The following RSPRY1 variants were observed in gnomAD, a reference collection of about 807,000 sequenced individuals.
RSPRY1 encodes the protein ring finger and SPRY domain containing 1, also known as RING finger and SPRY domain-containing protein 1.
In RSPRY1, 23 loss-of-function variants were observed where a neutral mutation model predicts 73.1. That is an observed-to-expected ratio of 0.31 (90% confidence interval 0.23 to 0.45). The LOEUF is 0.45. Ranked by LOEUF, RSPRY1 falls within the 20% of genes least tolerant of loss-of-function variation. The pLI, the probability that RSPRY1 is intolerant of heterozygous loss-of-function variation, is 1.00. For missense variants in RSPRY1, 448 were observed against 698.7 expected, an observed-to-expected ratio of 0.64 and a Z score of 4.05; for synonymous variants, 226 against 251.4, an observed-to-expected ratio of 0.90 and a Z score of 0.95.
At chr16:57,205,074 A>G in intron 2 of RSPRY1, 66 bp downstream of exon 2, 1 of 1,248,340 alleles carries the variant, frequency 8.0e-7, no homozygotes, top group East Asian at 2.5e-5. Flanking sequence ...CCATGACTTT[A>G]GGACTCCTTC....
intron 1 of RSPRY1, among the ~76,000 whole-genome samples, chr16:57,197,012 T>C (rs1258371429): frequency 6.6e-6 from 1 of 152,248 alleles, no homozygotes; most frequent in Non-Finnish European, 1.5e-5. Flanking sequence ...GACTTTCACC[T>C]AGTCTGACAA....
rs1490487021 is a variant in RSPRY1, at chr16:57,238,979, A to C, written c.*4A>C. 1 of 1,514,884 alleles carries C rather than the reference A, an allele frequency of 6.6e-7. No homozygotes were observed. The highest frequency in any genetic ancestry group is 1.2e-5 in the South Asian group (1 of 85,068). The allele number at this position is 1,514,884 out of a possible 1,614,324, so 93.8% of individuals were successfully genotyped here. ...ACAGATTTCTCATATTTCATGACAC[A>C]TGTGAAGAGGCATCGTGGACTTTTT... On this transcript the variant is annotated 3_prime_UTR_variant, in exon 15 of 15. Coordinates refer to ENST00000394420, the MANE Select transcript of RSPRY1 (RefSeq NM_133368.3).
intron 1 of RSPRY1, among the ~76,000 whole-genome samples, 197 bp from the exon 2 acceptor site, chr16:57,204,307 G>A (rs1310222186): frequency 6.6e-6 from 1 of 152,130 alleles, no homozygotes; most frequent in African/African-American, 2.4e-5. Context: ...CTTTGTAACA[G>A]AATGATAAAA....
intron 8 of RSPRY1, among the ~76,000 whole-genome samples, chr16:57,218,076 T>A (rs912624605): frequency 8.5e-5 from 13 of 152,252 alleles, no homozygotes; most frequent in African/African-American, 2.9e-4. Context: ...TTTACGAGCA[T>A]CTCTACTCCT....
chr16:57,221,468 C>T (rs1385811467), intron 10 of RSPRY1, 53 bp downstream of exon 10: 8 of 1,541,122 alleles, frequency 5.2e-6, no homozygotes, highest in Non-Finnish European at 6.1e-6. Flanking sequence ...TTGCTTTTTC[C>T]CCCTAGTTGG....
At chr16:57,201,020 C>T (rs1190016841) in intron 1 of RSPRY1, among the ~76,000 whole-genome samples, 3 of 150,182 alleles carry the variant, frequency 2.0e-5, no homozygotes, top group Non-Finnish European at 3.0e-5. Context: ...CTGACCCCCC[C>T]ACCTCCCTCC....
At chr16:57,194,487 C>T (rs2074404323) in intron 1 of RSPRY1, among the ~76,000 whole-genome samples, 1 of 151,976 alleles carries the variant, frequency 6.6e-6, no homozygotes. Flanking sequence ...AATCCGAAAA[C>T]ATTTTCTAAT....
intron 6 of RSPRY1, among the ~76,000 whole-genome samples, chr16:57,215,139 A>G (rs2074916527): frequency 6.6e-6 from 1 of 152,138 alleles, no homozygotes; most frequent in Non-Finnish European, 1.5e-5. Flanking sequence ...GTCATGCTAT[A>G]GATGAGGATT....
At chr16:57,229,595 G>C (rs989524209) in intron 11 of RSPRY1, among the ~76,000 whole-genome samples, 15 of 151,212 alleles carry the variant, frequency 9.9e-5, no homozygotes, top group African/African-American at 3.6e-4. Context: ...CTCCAGCCTG[G>C]GTAATGGAGC....
rs1473613659 is a variant in RSPRY1, at chr16:57,220,855, A to T, written c.1017+8A>T. ...TCACCTCATGGCTTAGAGGTAGGTAATGCTTCTACAGTTGGACCCTTTGGG... is the reference window on the plus strand; with the variant it reads ...TCACCTCATGGCTTAGAGGTAGGTATTGCTTCTACAGTTGGACCCTTTGGG... On this transcript the variant is annotated splice_region_variant and intron_variant, in intron 9 of 14. Coordinates refer to ENST00000394420, the MANE Select transcript of RSPRY1 (RefSeq NM_133368.3). 3 of 1,572,066 alleles carry T rather than the reference A, an allele frequency of 1.9e-6. No individual in the cohort carries two copies. The highest frequency in any genetic ancestry group is 1.8e-6 in the Non-Finnish European group (2 of 1,141,666).
intron 4 of RSPRY1, among the ~76,000 whole-genome samples, chr16:57,212,389 G>A (rs2074860296): frequency 6.6e-6 from 1 of 152,054 alleles, no homozygotes; most frequent in South Asian, 2.1e-4. Flanking sequence ...AACATCACCA[G>A]CCTTTAATGT....
At chr16:57,217,124 G>A in intron 8 of RSPRY1, 89 bp downstream of exon 8, 2 of 1,429,506 alleles carry the variant, frequency 1.4e-6, no homozygotes, top group African/African-American at 1.4e-5. Context: ...TTTTGCAATG[G>A]TAAGTATGAG....
At chr16:57,221,439 A>C in intron 10 of RSPRY1, 24 bp downstream of exon 10, 1 of 1,584,466 alleles carries the variant, frequency 6.3e-7, no homozygotes, top group Non-Finnish European at 8.6e-7. Flanking sequence ...AGAACTGTGA[A>C]AATGGGAGCA....
chr16:57,226,410 C>T lies in RSPRY1; in HGVS notation c.1162-932C>T, dbSNP rs147856446. On this transcript the variant is annotated intron_variant, in intron 10 of 14. Coordinates refer to ENST00000394420, the MANE Select transcript of RSPRY1 (RefSeq NM_133368.3). Reference sequence around the variant, plus strand: ...GGCTACTCTATAGGCAGAGCAGTGGCGTGGGCTGCTCAACTGAGTATACTT... The same window carrying T: ...GGCTACTCTATAGGCAGAGCAGTGGTGTGGGCTGCTCAACTGAGTATACTT... 4.4e-3 allele frequency among the ~76,000 whole-genome samples: 665 copies of T among 152,226 alleles called. 5 individuals carry two copies. The highest frequency in any genetic ancestry group is 0.015 in the African/African-American group (631 of 41,536).
At chr16:57,186,179 A>C, upstream of RSPRY1, 2 of 985,746 alleles carry the variant, frequency 2.0e-6, no homozygotes, top group South Asian at 4.7e-5. Flanking sequence ...AGGACTGGCC[A>C]GTCTGCGCCT....
At chr16:57,215,955 A>G (rs1221981663) in intron 6 of RSPRY1, 152 bp from the exon 7 acceptor site, 1 of 619,412 alleles carries the variant, frequency 1.6e-6, no homozygotes, top group Non-Finnish European at 2.8e-6. Flanking sequence ...TTATTAGCCA[A>G]ATGGATAATT....
At chr16:57,229,460 AT>A in intron 11 of RSPRY1, among the ~76,000 whole-genome samples, 1 of 152,016 alleles carries the variant, frequency 6.6e-6, no homozygotes, top group Non-Finnish European at 1.5e-5. Context: ...CTATAAAAAA[AT>A]TTTAAAAATT....
At chr16:57,231,141 G>A (rs2075213229) in intron 12 of RSPRY1, 26 bp from the exon 13 acceptor site, 3 of 1,594,794 alleles carry the variant, frequency 1.9e-6, no homozygotes, top group Non-Finnish European at 2.6e-6. Context: ...TAATTCTATT[G>A]GCCTCTGTAC....
At chr16:57,223,602 GTC>G (rs1307378079) in intron 10 of RSPRY1, among the ~76,000 whole-genome samples, 2 of 151,982 alleles carry the variant, frequency 1.3e-5, no homozygotes, top group African/African-American at 4.8e-5. Flanking sequence ...GTGAAACCCC[GTC>G]TCTACTGAAT....
Sources: gnomAD v4.1 joint callset for allele counts (sites outside exome capture counted in the v4.1 genomes callset) on GRCh38, gnomAD v4.1.1 for gene constraint, MANE v1.5 for transcripts, NCBI Gene and HGNC (gene_info 2026-07-23, HGNC 2026-07-21) for gene names.